Variants in COL6A6 observed in about 807,000 individuals in gnomAD.
The protein encoded by COL6A6 is collagen type VI alpha 6 chain, also known as collagen alpha-6(VI) chain.
A neutral mutation model predicts 208.6 loss-of-function variants in COL6A6; 183 were observed. That is an observed-to-expected ratio of 0.88 (90% CI 0.78 to 0.99). COL6A6 has a LOEUF of 0.99. Ranked by LOEUF, COL6A6 falls within the 50% of genes least tolerant of loss-of-function variation. The probability of loss-of-function intolerance (pLI) is 0.00; values close to 1 mark genes in which losing one functional copy is unlikely to be tolerated. For missense variants in COL6A6, 2,816 were observed against 2,815.2 expected (o/e 1.00, Z -0.01); for synonymous variants, 973 against 1,011.8 (o/e 0.96, Z 0.73).
intron 8 of COL6A6, among the ~76,000 whole-genome samples, chr3:130,576,065 TC>T (rs2063288710): frequency 6.6e-6 from 1 of 152,136 alleles, no homozygotes; most frequent in Admixed American, 6.6e-5. Flanking sequence ...AGCTTGCTCT[TC>T]TACTCAGCCA....
At chr3:130,673,397 G>C (rs2066279664) in intron 36 of COL6A6, among the ~76,000 whole-genome samples, 1 of 149,734 alleles carries the variant, frequency 6.7e-6, no homozygotes, top group South Asian at 2.2e-4. Flanking sequence ...TCGTAACAAA[G>C]ATGGGAAGAA....
intron 12 of COL6A6, 139 bp downstream of exon 12, chr3:130,589,321 A>G (rs2063619622): frequency 5.3e-6 from 3 of 567,126 alleles, no homozygotes; most frequent in Non-Finnish European, 9.3e-6. Flanking sequence ...CTCTTTTTAT[A>G]TGTTAAGTTA....
rs564453935 is a variant in COL6A6 at position 130,587,422 on chromosome 3, C to T, written c.4125+762C>T. ...GATTACCGGCGCCCGCCACCATGCC[C>T]GGCTAATTTTTGTATATTTAGTAGA... On this transcript the variant is annotated intron_variant, in intron 11 of 36. Coordinates refer to ENST00000358511, the MANE Select transcript of COL6A6 (RefSeq NM_001102608.3). Among the ~76,000 whole-genome samples the T allele has an allele frequency of 1.4e-3, 215 of 152,262 alleles. 2 individuals are homozygous for T. Among genetic ancestry groups the T allele is most frequent in the African/African-American group, 4.7e-3 (194 of 41,560 alleles).
intron 1 of COL6A6, among the ~76,000 whole-genome samples, chr3:130,532,880 A>G (rs1005085948): frequency 1.3e-5 from 2 of 152,066 alleles, no homozygotes; most frequent in African/African-American, 2.4e-5. Context: ...GGAGCTGGTT[A>G]GGCATCTCTC....
intron 33 of COL6A6, among the ~76,000 whole-genome samples, chr3:130,656,251 C>T (rs2065786343): frequency 6.6e-6 from 1 of 152,218 alleles, no homozygotes; most frequent in Non-Finnish European, 1.5e-5. Context: ...TTCAGTGGGT[C>T]CTGAGTTTTT....
Position 130,635,699 on chromosome 3 carries a change from G to T in COL6A6, c.5029G>T (p.Gly1677Cys). 6.2e-7 allele frequency: 1 copy of T among 1,601,332 alleles called. No individual in the cohort carries two copies. The highest frequency in any genetic ancestry group is 8.6e-7 in the Non-Finnish European group (1 of 1,169,054). ...EGFPGESGPK[G>C]EIGDPGGPGE... ...ATTTTACTTTAATAAATGTATTTAGGGTGAGATTGGGGACCCTGGTGGTCC... is the reference window on the plus strand; with the variant it reads ...ATTTTACTTTAATAAATGTATTTAGTGTGAGATTGGGGACCCTGGTGGTCC... Residue 1677 changes from glycine (G) to cysteine (C), a missense_variant and splice_region_variant, in exon 28 of 37, where the codon GGT becomes TGT. Gly to Cys is a radical substitution (Grantham distance 159). Coordinates refer to ENST00000358511, the MANE Select transcript of COL6A6 (RefSeq NM_001102608.3).
chr3:130,640,544 A>C (rs559718200), intron 28 of COL6A6, among the ~76,000 whole-genome samples: 6 of 152,368 alleles, frequency 3.9e-5, no homozygotes, highest in Non-Finnish European at 8.8e-5. Context: ...CCCAAAGGAT[A>C]TCAATCATTA....
chr3:130,656,139 T>TCTCTCTCCTCTC (rs1184959330), intron 33 of COL6A6, among the ~76,000 whole-genome samples: 2 of 152,144 alleles, frequency 1.3e-5, no homozygotes, highest in Non-Finnish European at 2.9e-5. Flanking sequence ...CTGCAGCTCT[T>TCTCTCTCCTCTC]CTCTCTCCTC....
rs763825049 is a variant in COL6A6, at chr3:130,568,156, G to A, written c.1953G>A (p.Lys651=). 1.9e-6 allele frequency: 3 copies of A among 1,614,012 alleles called. No homozygotes were observed. The highest frequency in any genetic ancestry group is 2.5e-6 in the Non-Finnish European group (3 of 1,179,884). The change falls in exon 6 of 37, where the codon AAG becomes AAA. Residue 651 remains lysine, a synonymous_variant. Coordinates refer to ENST00000358511, the MANE Select transcript of COL6A6 (RefSeq NM_001102608.3). The part of the protein sequence containing the change: ...MKTFMKNLVS[K]SQIGPDRVQI... ...CATTTATGAAAAACCTGGTGAGCAA[G>A]TCTCAGATTGGACCAGATCGGGTGC...
chr3:130,520,761 A>G (rs1711020556), intron 1 of COL6A6, among the ~76,000 whole-genome samples: 1 of 152,214 alleles, frequency 6.6e-6, no homozygotes, highest in African/African-American at 2.4e-5. Context: ...AGGCAGTATC[A>G]TCTTTGTGTC....
At chr3:130,601,078 G>C (rs1447676010) in intron 20 of COL6A6, among the ~76,000 whole-genome samples, 1 of 152,090 alleles carries the variant, frequency 6.6e-6, no homozygotes, top group Non-Finnish European at 1.5e-5. Flanking sequence ...TCAATAAGAA[G>C]AGATAACTTT....
At chr3:130,604,916 T>C (rs186775837) in intron 20 of COL6A6, among the ~76,000 whole-genome samples, 325 of 152,352 alleles carry the variant, frequency 2.1e-3, no homozygotes, top group Non-Finnish European at 3.8e-3. Context: ...CACAACCAGA[T>C]GTATCCACCT....
chr3:130,556,524 G>GT (rs1249426493), intron 1 of COL6A6, among the ~76,000 whole-genome samples: 1 of 151,894 alleles, frequency 6.6e-6, no homozygotes, highest in Non-Finnish European at 1.5e-5. Context: ...CTTATCCTTA[G>GT]TTGTATCTCC....
intron 33 of COL6A6, 62 bp downstream of exon 33, chr3:130,649,624 C>CTAT: frequency 6.9e-7 from 1 of 1,442,372 alleles, no homozygotes; most frequent in Non-Finnish European, 9.1e-7. Flanking sequence ...TCAGAAGCCC[C>CTAT]TATACTACCT....
In COL6A6 at chr3:130,568,092, C is replaced by G; in HGVS notation, c.1889C>G (p.Ser630Cys). The G allele has an allele frequency of 6.2e-7, 1 of 1,613,856 alleles. No homozygotes were observed. Among genetic ancestry groups the G allele is most frequent in the African/African-American group, 1.3e-5 (1 of 75,010 alleles). ...KADIMFLVDS[S>C]GSIGPENFSK... ...GACATCATGTTTCTGGTGGACAGTTCTGGAAGTATAGGACCTGAAAACTTC... is the reference window on the plus strand; with the variant it reads ...GACATCATGTTTCTGGTGGACAGTTGTGGAAGTATAGGACCTGAAAACTTC... The change falls in exon 6 of 37, where the codon TCT (serine) becomes TGT (cysteine). Residue 630 changes from serine to cysteine, a missense_variant. Physicochemically the swap from Ser to Cys is moderately radical, Grantham distance 112. Transcript: ENST00000358511.
intron 1 of COL6A6, among the ~76,000 whole-genome samples, chr3:130,530,841 G>GA (rs2062063418): frequency 6.6e-6 from 1 of 152,162 alleles, no homozygotes; most frequent in Non-Finnish European, 1.5e-5. Context: ...GAAAAAGACT[G>GA]AGGTCCCCTG....
At chr3:130,608,117 C>T (rs771494035) in intron 21 of COL6A6, among the ~76,000 whole-genome samples, 16 of 152,162 alleles carry the variant, frequency 1.1e-4, no homozygotes, top group Non-Finnish European at 1.9e-4. Context: ...CTAAAGGCCC[C>T]ACCTGTTAAT....
In COL6A6 at chr3:130,574,065, CTT is replaced by C. The variant is rs755740210; in HGVS notation, c.3089_3090del (p.Phe1030Ter). The C allele has an allele frequency of 6.2e-7, 1 of 1,613,976 alleles. No homozygotes were observed. The highest frequency in any genetic ancestry group is 8.5e-7 in the Non-Finnish European group (1 of 1,179,878). On this transcript the variant is annotated frameshift_variant, in exon 8 of 37. Coordinates refer to ENST00000358511, the MANE Select transcript of COL6A6 (RefSeq NM_001102608.3). LOFTEE classifies it high-confidence loss of function. The part of the protein sequence containing the change: ...KEFLASVVQD[F>X]DVSLNRVRIG... ...AATTTCTGGCATCTGTTGTTCAAGA[CTT>C]TGATGTCAGCCTCAACAGAGTGCGA...
At chr3:130,610,589 A>T (rs915111742) in intron 22 of COL6A6, 60 bp from the exon 23 acceptor site, 1 of 1,215,232 alleles carries the variant, frequency 8.2e-7, no homozygotes, top group East Asian at 2.5e-5. Context: ...TGTAATATTC[A>T]ATTTAATATT....
Sources: allele counts gnomAD v4.1 joint callset (sites outside exome capture counted in the v4.1 genomes callset), GRCh38; gene constraint gnomAD v4.1.1; transcripts MANE v1.5; gene names NCBI Gene and HGNC (gene_info 2026-07-23, HGNC 2026-07-21).